PLXNA4: variants seen among roughly 807,000 people sequenced by gnomAD.
The protein encoded by PLXNA4 is plexin A4.
A neutral mutation model predicts 191.8 loss-of-function variants in PLXNA4; 44 were observed. The ratio of observed to expected loss-of-function variants is 0.23; its 90% CI spans 0.18 to 0.29. The LOEUF (loss-of-function observed/expected upper bound fraction) is 0.29, where lower values mean the gene tolerates loss of function less well. Among genes scored for constraint, PLXNA4 ranks in the 10% least tolerant of loss-of-function variants. PLXNA4 has a pLI of 1.00. For missense variants in PLXNA4, 1,800 were observed against 2,488.8 expected (o/e 0.72, Z 5.89); for synonymous variants, 1,082 against 1,009.5 (o/e 1.07, Z -1.36).
At chr7:132,589,951 G>A (rs77343488) in intron 2 of PLXNA4, among the ~76,000 whole-genome samples, 1,849 of 152,316 alleles carry the variant, frequency 0.012, 41 homozygotes, top group African/African-American at 0.042. Context: ...GGACGCAGAA[G>A]AGAGAAAATA....
chr7:132,477,786 GA>G (rs984581796), intron 3 of PLXNA4, among the ~76,000 whole-genome samples: 1 of 152,150 alleles, frequency 6.6e-6, no homozygotes, highest in African/African-American at 2.4e-5. Flanking sequence ...TCTATGTGAA[GA>G]AAATGAACAA....
chr7:132,305,316 T>G (rs1256681901), intron 3 of PLXNA4, among the ~76,000 whole-genome samples: 2 of 150,882 alleles, frequency 1.3e-5, no homozygotes, highest in Admixed American at 1.3e-4. Context: ...CACTACAGTG[T>G]TCAGTGTGCA....
chr7:132,514,824 A>G (rs1183462919), intron 1 of PLXNA4, among the ~76,000 whole-genome samples: 2 of 152,088 alleles, frequency 1.3e-5, no homozygotes, highest in Non-Finnish European at 2.9e-5. Context: ...ACACACACAC[A>G]CACATCCTCT....
chr7:132,647,444 C>T (rs1295867830), intron 1 of PLXNA4, among the ~76,000 whole-genome samples: 6 of 152,092 alleles, frequency 3.9e-5, no homozygotes, highest in African/African-American at 1.4e-4. Context: ...CATATGCACT[C>T]ACACACTTAC....
intron 9 of PLXNA4, 112 bp downstream of exon 9, chr7:132,223,415 G>T: frequency 2.4e-6 from 2 of 846,366 alleles, no homozygotes; most frequent in African/African-American, 1.7e-5. Flanking sequence ...CAGGAAGAAG[G>T]GGGTGGTCCT....
intron 21 of PLXNA4, among the ~76,000 whole-genome samples, chr7:132,173,643 G>A (rs528281516): frequency 6.6e-6 from 1 of 152,374 alleles, no homozygotes; most frequent in South Asian, 2.1e-4. Flanking sequence ...CTACAGAGGT[G>A]CACAGCCTAC....
chr7:132,475,007 G>A (rs555144786), intron 3 of PLXNA4, among the ~76,000 whole-genome samples: 1 of 152,246 alleles, frequency 6.6e-6, no homozygotes, highest in South Asian at 2.1e-4. Flanking sequence ...ACATACGTGT[G>A]GATAAAGAAT....
chr7:132,563,983 CTCCTCCTCCTCCTTCTCCTCCTCCTT>C, intron 1 of PLXNA4, among the ~76,000 whole-genome samples: 1 of 35,934 alleles, frequency 2.8e-5, no homozygotes, highest in Non-Finnish European at 9.3e-5. Flanking sequence ...CCTCCTCCTT[CTCCTCCTCCTCCTTCTCCTCCTCCTT>C]CTCCTCCTCC....
intron 2 of PLXNA4, among the ~76,000 whole-genome samples, chr7:132,616,458 A>G (rs1356151084): frequency 1.3e-5 from 2 of 152,224 alleles, no homozygotes; most frequent in Admixed American, 6.5e-5. Flanking sequence ...CTCAGCACTT[A>G]CAACCTAAGA....
intron 4 of PLXNA4, among the ~76,000 whole-genome samples, chr7:132,286,010 T>G (rs1789713528): frequency 6.7e-6 from 1 of 149,416 alleles, no homozygotes; most frequent in Non-Finnish European, 1.5e-5. Context: ...GTCCTTGTAA[T>G]GACCTCACTC....
At chr7:132,409,185 G>T (rs1230277787) in intron 3 of PLXNA4, among the ~76,000 whole-genome samples, 4 of 152,106 alleles carry the variant, frequency 2.6e-5, no homozygotes, top group Admixed American at 6.5e-5. Flanking sequence ...GCGGGCAGCT[G>T]CCCTGTGAAG....
chr7:132,482,724 A>C (rs1270735197), intron 3 of PLXNA4, among the ~76,000 whole-genome samples: 3 of 141,088 alleles, frequency 2.1e-5, no homozygotes, highest in African/African-American at 8.1e-5. Flanking sequence ...ATGGAGTCTC[A>C]CTCTATTGCC....
intron 12 of PLXNA4, among the ~76,000 whole-genome samples, chr7:132,201,941 T>G (rs1022323026): frequency 6.6e-6 from 1 of 152,192 alleles, no homozygotes; most frequent in Non-Finnish European, 1.5e-5. Flanking sequence ...TGTGAAATCC[T>G]TCCAGCTCCC....
intron 9 of PLXNA4, among the ~76,000 whole-genome samples, chr7:132,220,578 C>T (rs937870903): frequency 3.3e-5 from 5 of 152,092 alleles, no homozygotes; most frequent in Non-Finnish European, 7.3e-5. Flanking sequence ...GCAGCAAGAG[C>T]TTAGTACATA....
At chr7:132,308,952 C>T (rs1188916566) in intron 3 of PLXNA4, among the ~76,000 whole-genome samples, 2 of 152,066 alleles carry the variant, frequency 1.3e-5, no homozygotes, top group Non-Finnish European at 2.9e-5. Flanking sequence ...GCAGATTGGA[C>T]TCCCAACATC....
At chr7:132,474,212 T>TCACACACA (rs1304784396) in intron 3 of PLXNA4, among the ~76,000 whole-genome samples, 2 of 101,074 alleles carry the variant, frequency 2.0e-5, no homozygotes, top group South Asian at 3.8e-4. Context: ...GATCTCTCTG[T>TCACACACA]CTCACACACA....
At chr7:132,390,643 A>T (rs1805368435) in intron 3 of PLXNA4, among the ~76,000 whole-genome samples, 1 of 152,204 alleles carries the variant, frequency 6.6e-6, no homozygotes, top group African/African-American at 2.4e-5. Flanking sequence ...TGTCTGGCAA[A>T]GCAAGCCCCA....
intron 3 of PLXNA4, chr7:132,384,414 C>T: frequency 1.0e-6 from 1 of 985,630 alleles, no homozygotes; most frequent in Non-Finnish European, 1.2e-6. Flanking sequence ...CACTCACCTC[C>T]TCCTCCCCAC....
At chr7:132,320,158 G>A (rs185450378) in intron 3 of PLXNA4, among the ~76,000 whole-genome samples, 42 of 152,350 alleles carry the variant, frequency 2.8e-4, no homozygotes, top group East Asian at 9.6e-4. Context: ...TTCATTTGCC[G>A]GGGGTGCCAT....
Sources: gnomAD v4.1 joint callset for allele counts (sites outside exome capture counted in the v4.1 genomes callset) on GRCh38, gnomAD v4.1.1 for gene constraint, MANE v1.5 for transcripts, NCBI Gene and HGNC (gene_info 2026-07-23, HGNC 2026-07-21) for gene names.